Variants in FAM120B observed in about 807,000 individuals in gnomAD.
FAM120B encodes family with sequence similarity 120 member B, also known as constitutive coactivator of peroxisome proliferator-activated receptor gamma.
FAM120B carries 83 observed loss-of-function variants against 96.3 expected under a neutral mutation model. That is an observed-to-expected ratio of 0.86 (90% CI 0.72 to 1.03). The LOEUF is 1.03. Ranked by LOEUF, FAM120B falls within the 50% of genes least tolerant of loss-of-function variation. The pLI, the probability that FAM120B is intolerant of heterozygous loss-of-function variation, is 0.00. For synonymous variants in FAM120B, 407 were observed against 402.7 expected (o/e 1.01, Z -0.13); for missense variants, 1,027 against 1,121.2 (o/e 0.92, Z 1.20).
intron 6 of FAM120B, among the ~76,000 whole-genome samples, chr6:170,381,692 C>T (rs938255530): frequency 6.6e-6 from 1 of 151,802 alleles, no homozygotes; most frequent in Admixed American, 6.6e-5. Flanking sequence ...TGGTTTAGTA[C>T]TTAAAAATCA....
At chr6:170,313,651 T>C (rs991363999) in intron 1 of FAM120B, among the ~76,000 whole-genome samples, 2 of 152,266 alleles carry the variant, frequency 1.3e-5, no homozygotes, top group Non-Finnish European at 2.9e-5. Flanking sequence ...ATGGTTTTAT[T>C]GTCTCCAGCT....
rs1583187869 is a variant in FAM120B at position 170,317,480 on chromosome 6, C to T, written c.90C>T (p.His30=). The change falls in exon 2 of 11, where the codon CAC becomes CAT. Residue 30 remains histidine (H), a synonymous_variant. Coordinates refer to ENST00000476287, the MANE Select transcript of FAM120B (RefSeq NM_032448.3). ...VVNFKELAEH[H]RSKYPGCTPT... ...ATTTCAAAGAACTGGCAGAGCACCA[C>T]CGAAGCAAGTATCCTGGATGTACCC... The T allele has an allele frequency of 6.2e-7, 1 of 1,614,190 alleles. No homozygotes were observed. Among genetic ancestry groups the T allele is most frequent in the Non-Finnish European group, 8.5e-7 (1 of 1,180,032 alleles).
intron 3 of FAM120B, among the ~76,000 whole-genome samples, chr6:170,325,986 G>A (rs1785567989): frequency 1.3e-5 from 2 of 151,998 alleles, no homozygotes; most frequent in African/African-American, 4.8e-5. Flanking sequence ...TACTAGCAAT[G>A]TAAAAACCTT....
intron 8 of FAM120B, among the ~76,000 whole-genome samples, chr6:170,393,887 G>A (rs934792020): frequency 3.3e-5 from 5 of 151,696 alleles, no homozygotes; most frequent in East Asian, 3.9e-4. Flanking sequence ...TCCACGGGCC[G>A]CACAGCCAGG....
chr6:170,369,930 A>G (rs1217214274), intron 6 of FAM120B, among the ~76,000 whole-genome samples: 2 of 152,184 alleles, frequency 1.3e-5, no homozygotes, highest in South Asian at 2.1e-4. Flanking sequence ...AGTTTATGCT[A>G]TAATGCTGGT....
chr6:170,303,849 C>G (rs771453636), upstream of FAM120B, among the ~76,000 whole-genome samples: 4 of 152,138 alleles, frequency 2.6e-5, no homozygotes, highest in Non-Finnish European at 5.9e-5. Flanking sequence ...CAATAATGGC[C>G]TCATTTATTT....
At chr6:170,341,906 C>T (rs1316728982) in intron 4 of FAM120B, among the ~76,000 whole-genome samples, 1 of 152,312 alleles carries the variant, frequency 6.6e-6, no homozygotes, top group East Asian at 1.9e-4. Flanking sequence ...GAGCTGCAGA[C>T]CAGAGCTGTT....
chr6:170,315,059 C>T (rs1189336733), intron 1 of FAM120B, among the ~76,000 whole-genome samples: 3 of 152,206 alleles, frequency 2.0e-5, no homozygotes, highest in Admixed American at 1.3e-4. Flanking sequence ...CAGGTTCAGT[C>T]CTCTGCTTCG....
upstream of FAM120B, among the ~76,000 whole-genome samples, chr6:170,291,608 C>A (rs967557053): frequency 6.6e-6 from 1 of 152,166 alleles, no homozygotes; most frequent in Non-Finnish European, 1.5e-5. Flanking sequence ...CAGAGCGAAG[C>A]GGCAGTTTCG....
intron 4 of FAM120B, among the ~76,000 whole-genome samples, chr6:170,334,142 T>C (rs1786258952): frequency 6.6e-6 from 1 of 152,216 alleles, no homozygotes; most frequent in Admixed American, 6.5e-5. Context: ...CTTCTAAGTG[T>C]TGTTTTTTTA....
intron 6 of FAM120B, among the ~76,000 whole-genome samples, chr6:170,379,442 A>T (rs1789775760): frequency 6.6e-6 from 1 of 152,228 alleles, no homozygotes; most frequent in Non-Finnish European, 1.5e-5. Context: ...GCTTGGGACC[A>T]GAAGTGTTTC....
At chr6:170,349,651 A>T (rs1199567442) in intron 5 of FAM120B, among the ~76,000 whole-genome samples, 1 of 152,230 alleles carries the variant, frequency 6.6e-6, no homozygotes, top group East Asian at 1.9e-4. Context: ...AAGACGTAGC[A>T]GATTATAAAT....
At chr6:170,328,914 C>G (rs1328120241) in intron 3 of FAM120B, among the ~76,000 whole-genome samples, 5 of 152,232 alleles carry the variant, frequency 3.3e-5, no homozygotes, top group African/African-American at 1.2e-4. Context: ...CTTCATTAGG[C>G]TGTGTCCATT....
chr6:170,353,156 T>G (rs1273376320), intron 5 of FAM120B, among the ~76,000 whole-genome samples: 5 of 152,126 alleles, frequency 3.3e-5, no homozygotes, highest in African/African-American at 1.2e-4. Flanking sequence ...CACATATGCC[T>G]TCTTGAGACT....
chr6:170,319,898 G>T (rs1446608407), intron 2 of FAM120B, among the ~76,000 whole-genome samples: 1 of 152,222 alleles, frequency 6.6e-6, no homozygotes, highest in East Asian at 1.9e-4. Flanking sequence ...AATTGGGAAG[G>T]TTATTAAATG....
intron 5 of FAM120B, among the ~76,000 whole-genome samples, chr6:170,357,253 C>T (rs1788011116): frequency 1.3e-5 from 2 of 152,130 alleles, no homozygotes; most frequent in Non-Finnish European, 2.9e-5. Flanking sequence ...GCGGGCACGT[C>T]CTGCCTTTAT....
At chr6:170,355,309 A>G (rs560370241) in intron 5 of FAM120B, among the ~76,000 whole-genome samples, 4 of 152,246 alleles carry the variant, frequency 2.6e-5, no homozygotes, top group Non-Finnish European at 5.9e-5. Context: ...AAGACATTGA[A>G]TCAACCTAAA....
At chr6:170,383,862 G>A (rs1790049751) in intron 6 of FAM120B, among the ~76,000 whole-genome samples, 1 of 152,224 alleles carries the variant, frequency 6.6e-6, no homozygotes, top group South Asian at 2.1e-4. Flanking sequence ...GCACAGGTTG[G>A]AAGCAACCCA....
intron 4 of FAM120B, among the ~76,000 whole-genome samples, chr6:170,339,983 C>T (rs1786710155): frequency 6.6e-6 from 1 of 152,038 alleles, no homozygotes; most frequent in South Asian, 2.1e-4. Context: ...TTGCTCTTCT[C>T]AAGGAGTATC....
Sources: allele counts gnomAD v4.1 joint callset (sites outside exome capture counted in the v4.1 genomes callset), GRCh38; gene constraint gnomAD v4.1.1; transcripts MANE v1.5; gene names NCBI Gene and HGNC (gene_info 2026-07-23, HGNC 2026-07-21).